The following MIER1 variants were observed in gnomAD, a reference collection of about 807,000 sequenced individuals.
MIER1 encodes the protein MIER1 transcriptional regulator.
In MIER1, 40 loss-of-function variants were observed where a neutral mutation model predicts 75.7. The observed-to-expected ratio is 0.53, with a 90% CI of 0.41 to 0.69. MIER1 has a LOEUF of 0.69. MIER1 is among the 30% of genes least tolerant of loss of function. The pLI is 0.00. For missense variants in MIER1, 574 were observed against 680.2 expected (o/e 0.84, Z 1.74); for synonymous variants, 213 against 223.4 (o/e 0.95, Z 0.42).
intron 4 of MIER1, among the ~76,000 whole-genome samples, chr1:66,953,765 G>T (rs1297360649): frequency 1.3e-5 from 2 of 151,656 alleles, no homozygotes; most frequent in Non-Finnish European, 2.9e-5. Context: ...CACCATGCCT[G>T]GCTAACTTTT....
chr1:66,984,038 A>G (rs190389673), intron 13 of MIER1, among the ~76,000 whole-genome samples: 5 of 152,332 alleles, frequency 3.3e-5, no homozygotes, highest in African/African-American at 1.2e-4. Flanking sequence ...GTGATCTTTT[A>G]AAGTACAGTT....
rs1396889849 is a variant in MIER1, at chr1:66,946,307, G to A, written c.339+12G>A. The A allele has an allele frequency of 1.3e-6, 2 of 1,594,242 alleles. No individual in the cohort carries two copies. Among genetic ancestry groups the A allele is most frequent in the East Asian group, 2.3e-5 (1 of 43,690 alleles). On this transcript the variant is annotated intron_variant, in intron 4 of 13. Transcript: ENST00000401041. ...AAGATCTTGCAAGGGTAAATAACAT[G>A]TAGAGCTAGGGTATGAATTGGTTAT...
At chr1:66,968,772 T>C (rs541430707) in intron 8 of MIER1, among the ~76,000 whole-genome samples, 4 of 152,364 alleles carry the variant, frequency 2.6e-5, no homozygotes, top group African/African-American at 7.2e-5. Context: ...CCTAAATTCA[T>C]GTAAGTTATC....
At chr1:66,932,379 T>C (rs1480610502) in intron 2 of MIER1, among the ~76,000 whole-genome samples, 1 of 152,212 alleles carries the variant, frequency 6.6e-6, no homozygotes, top group Non-Finnish European at 1.5e-5. Context: ...ATTTATCTTC[T>C]ATATTCTTCA....
In MIER1 at chr1:66,952,411, AT is replaced by A. The variant is rs550936447; in HGVS notation, c.340-5647del. 1.8e-4 allele frequency among the ~76,000 whole-genome samples: 28 copies of A among 152,282 alleles called. No homozygotes were observed. The South Asian group carries it at 5.8e-3, about 32-fold the overall frequency. On this transcript the variant is annotated intron_variant, in intron 4 of 13. Coordinates refer to ENST00000401041, the MANE Select transcript of MIER1 (RefSeq NM_001077700.3). ...TCTTTTTTCAGAGGGAAATAACGGA[AT>A]ATTTGCGTTACACGATATCATTACT...
At chr1:66,963,038 T>C (rs774027505) in intron 7 of MIER1, 50 bp from the exon 8 acceptor site, 1 of 1,277,584 alleles carries the variant, frequency 7.8e-7, no homozygotes, top group African/African-American at 1.5e-5. Flanking sequence ...AAAATGGATA[T>C]AAAATCTGTT....
At chr1:66,930,540 C>T (rs1198075826) in intron 2 of MIER1, 6 of 824,568 alleles carry the variant, frequency 7.3e-6, no homozygotes, top group African/African-American at 1.8e-5. Flanking sequence ...ACAGGCCATT[C>T]TCTGGGCGGG....
At chr1:66,929,166 T>A (rs1652507303) in intron 2 of MIER1, 1 of 624,848 alleles carries the variant, frequency 1.6e-6, no homozygotes, top group Non-Finnish European at 2.9e-6. Context: ...GTATTAACTT[T>A]AAGAAAAATT....
chr1:66,962,585 G>A (rs868551349), intron 7 of MIER1, among the ~76,000 whole-genome samples: 7 of 152,192 alleles, frequency 4.6e-5, no homozygotes, highest in Middle Eastern at 3.4e-3. Flanking sequence ...CAGAGACTGA[G>A]GTGAGAGAAT....
rs554885766 is a variant in MIER1, at chr1:66,954,896, A to G, written c.340-3163A>G. Among the ~76,000 whole-genome samples the G allele has an allele frequency of 1.2e-3, 185 of 151,920 alleles. 1 individual carries two copies. The highest frequency in any genetic ancestry group is 4.1e-3 in the African/African-American group (171 of 41,414). On this transcript the variant is annotated intron_variant, in intron 4 of 13. Transcript: ENST00000401041. ...TAATTGTTTTGTAATTTTAGTGGAG[A>G]TGGGGTTTTGCCTTGTTGGCCAGGC... is the stretch of plus-strand genomic sequence containing the variant.
At chr1:66,969,477 G>A (rs560576658) in intron 8 of MIER1, among the ~76,000 whole-genome samples, 73 of 147,982 alleles carry the variant, frequency 4.9e-4, no homozygotes, top group African/African-American at 1.6e-3. Flanking sequence ...CCTGGGAGGC[G>A]GAGGTTGCAG....
chr1:66,978,713 G>GT (rs1384101029), intron 12 of MIER1, among the ~76,000 whole-genome samples: 6 of 152,116 alleles, frequency 3.9e-5, no homozygotes, highest in African/African-American at 1.2e-4. Flanking sequence ...ATCATCAGCA[G>GT]TAACAACATA....
chr1:66,942,010 T>C (rs1656358642), intron 3 of MIER1, among the ~76,000 whole-genome samples: 3 of 151,610 alleles, frequency 2.0e-5, no homozygotes, highest in African/African-American at 7.3e-5. Context: ...GCTTTGCTAC[T>C]TGTTGAATAC....
chr1:66,966,547 G>T (rs1277682320), intron 8 of MIER1, among the ~76,000 whole-genome samples: 1 of 152,168 alleles, frequency 6.6e-6, no homozygotes, highest in African/African-American at 2.4e-5. Context: ...TTGGGTATAT[G>T]CCCAATAATG....
chr1:66,946,459 G>T (rs1305893307), intron 4 of MIER1, 164 bp downstream of exon 4: 1 of 1,345,400 alleles, frequency 7.4e-7, no homozygotes, highest in Non-Finnish European at 9.5e-7. Context: ...TGAAATGAAA[G>T]GATTTAAAAA....
At position 66,985,329 on chromosome 1, in the gene MIER1, T is replaced by TA; in HGVS notation, c.*429_*430insA. On this transcript the variant is annotated 3_prime_UTR_variant, in exon 14 of 14. Coordinates refer to ENST00000401041, the MANE Select transcript of MIER1 (RefSeq NM_001077700.3). ...GTCCAAATTTCTGCTTAATACCAATTTCTCTGAGTTTCTTGAAATGTCTTT... is the reference window on the plus strand; with the variant it reads ...GTCCAAATTTCTGCTTAATACCAATTATCTCTGAGTTTCTTGAAATGTCTTT... The TA allele has an allele frequency of 1.0e-6, 1 of 985,528 alleles. No individual in the cohort carries two copies. Among genetic ancestry groups the TA allele is most frequent in the Non-Finnish European group, 1.2e-6 (1 of 829,902 alleles). 61.0% of individuals were successfully genotyped at this position (985,528 alleles called of 1,614,324 possible).
chr1:66,959,782 A>G, intron 7 of MIER1, 39 bp downstream of exon 7: 1 of 1,054,312 alleles, frequency 9.5e-7, no homozygotes, highest in Non-Finnish European at 1.3e-6. Flanking sequence ...TAGATAAATT[A>G]ATATTTTTTT....
At chr1:66,982,940 G>A (rs959040760) in intron 13 of MIER1, among the ~76,000 whole-genome samples, 3 of 152,180 alleles carry the variant, frequency 2.0e-5, no homozygotes, top group Admixed American at 2.0e-4. Flanking sequence ...CTGACCTTGG[G>A]ACTAACCGTA....
intron 2 of MIER1, among the ~76,000 whole-genome samples, chr1:66,930,803 A>G (rs544623321): frequency 4.1e-4 from 62 of 151,780 alleles, no homozygotes; most frequent in Admixed American, 1.1e-3. Context: ...CTTCCGCGTC[A>G]CCCCCATCCA....
Sources: gnomAD v4.1 joint callset for allele counts (sites outside exome capture counted in the v4.1 genomes callset) on GRCh38, gnomAD v4.1.1 for gene constraint, MANE v1.5 for transcripts, NCBI Gene and HGNC (gene_info 2026-07-23, HGNC 2026-07-21) for gene names.